SHBG: variants seen among roughly 807,000 people sequenced by gnomAD.
SHBG encodes sex hormone-binding globulin.
In SHBG, 37 loss-of-function variants were observed where a neutral mutation model predicts 41.9. The ratio of observed to expected loss-of-function variants is 0.88; its 90% CI spans 0.68 to 1.16. The LOEUF (loss-of-function observed/expected upper bound fraction) is 1.16, where lower values mean the gene tolerates loss of function less well. SHBG is among the 50% of genes most tolerant of loss of function. The pLI is 0.00. For synonymous variants in SHBG, 217 were observed against 205.8 expected, an observed-to-expected ratio of 1.05 and a Z score of -0.47; for missense variants, 466 against 499.9, an observed-to-expected ratio of 0.93 and a Z score of 0.65.
intron 1 of SHBG, chr17:7,614,487 C>T: frequency 1.3e-6 from 2 of 1,539,848 alleles, no homozygotes; most frequent in Non-Finnish European, 8.7e-7. Context: ...CGCACCTCGA[C>T]GGGCAGTCCC....
At chr17:7,616,304 C>A (rs1042739320) in intron 1 of SHBG, among the ~76,000 whole-genome samples, 2 of 143,234 alleles carry the variant, frequency 1.4e-5, no homozygotes, top group African/African-American at 5.2e-5. Context: ...AGTGAAATTT[C>A]TTCTTTAAAA....
At chr17:7,614,589 G>C (rs2071926240) in intron 1 of SHBG, 3 of 1,157,720 alleles carry the variant, frequency 2.6e-6, no homozygotes, top group South Asian at 2.1e-5. Flanking sequence ...GTCTGAGTGC[G>C]GGCCGGGCCA....
upstream of SHBG, among the ~76,000 whole-genome samples, chr17:7,624,282 C>T (rs1391428632): frequency 6.6e-6 from 1 of 151,890 alleles, no homozygotes; most frequent in Non-Finnish European, 1.5e-5. Flanking sequence ...GAGTCTCCAT[C>T]TGTCACCCAG....
At chr17:7,632,655 G>A in intron 6 of SHBG, 97 bp from the exon 7 acceptor site, 1 of 932,404 alleles carries the variant, frequency 1.1e-6, no homozygotes, top group South Asian at 1.3e-5. Context: ...GCATAGCGAA[G>A]AGGCAGAATT....
chr17:7,631,864 C>A lies in SHBG; in HGVS notation c.716-15C>A, dbSNP rs2072428988. 2 of 1,613,920 alleles carry A rather than the reference C, an allele frequency of 1.2e-6. No homozygotes were observed. The highest frequency in any genetic ancestry group is 1.7e-6 in the Non-Finnish European group (2 of 1,180,034). ...CCCAGCTTTGAGGCCTCAGGATAAT[C>A]ATTTCTCCCCACAGACATTCCCCAG... On this transcript the variant is annotated splice_polypyrimidine_tract_variant and intron_variant, in intron 5 of 7. Transcript: ENST00000380450.
At chr17:7,614,321 G>A in intron 1 of SHBG, 1 of 723,730 alleles carries the variant, frequency 1.4e-6, no homozygotes, top group South Asian at 1.7e-5. Context: ...GAAGGCTGCG[G>A]GTTGGAGCAA....
At chr17:7,617,253 T>G (rs941373826) in intron 1 of SHBG, among the ~76,000 whole-genome samples, 5 of 151,978 alleles carry the variant, frequency 3.3e-5, no homozygotes, top group Admixed American at 3.3e-4. Context: ...GACTTCATAG[T>G]GTGATGGCAG....
rs754703135 is a variant in SHBG, at chr17:7,621,277, G to A, written c.-62+7166G>A. On this transcript the variant is annotated intron_variant, in intron 1 of 5. Coordinates refer to the SHBG transcript ENST00000570547. ...ATTTCGAGACCAGCCTGGCCAACAC[G>A]GAGAAACCCCATGTCTACTAAAAAT... 3.5e-5 allele frequency among the ~76,000 whole-genome samples: 5 copies of A among 141,378 alleles called. 2 individuals are homozygous for A. Among genetic ancestry groups the A allele is most frequent in the Non-Finnish European group, 3.1e-5 (2 of 64,058 alleles). The allele number at this position is 141,378 out of a possible 152,430, so 92.7% of individuals were successfully genotyped here.
In SHBG at chr17:7,630,717, G is replaced by A; in HGVS notation, c.241G>A (p.Glu81Lys). The A allele has an allele frequency of 6.2e-7, 1 of 1,614,108 alleles. No homozygotes were observed. Among genetic ancestry groups the A allele is most frequent in the Non-Finnish European group, 8.5e-7 (1 of 1,180,028 alleles). The change falls in exon 3 of 8, where the codon GAG (glutamate) becomes AAG (lysine). Residue 81 changes from glutamate (E) to lysine (K), a missense_variant. Physicochemically the swap from Glu to Lys is moderately conservative, Grantham distance 56 (BLOSUM62 1). Coordinates refer to ENST00000380450, the MANE Select transcript of SHBG (RefSeq NM_001040.5). The surrounding 1 kb of genome is among the most constrained non-coding windows in gnomAD (Gnocchi z 4.6). ...SSFEVRTWDPEGVIFYGDTNP... is the reference protein window; with the variant it reads ...SSFEVRTWDPKGVIFYGDTNP... ...CTTTGAGGTTCGAACCTGGGACCCAGAGGGAGTGATTTTTTATGGGGATAC... is the reference window on the plus strand; with the variant it reads ...CTTTGAGGTTCGAACCTGGGACCCAAAGGGAGTGATTTTTTATGGGGATAC...
At position 7,631,747 on chromosome 17, in the gene SHBG, A is replaced by C. The variant is rs760914068; in HGVS notation, c.714A>C (p.Arg238=). ...PPGTQAEFNL[R]DIPQPHAEPW... ...GGACTCAGGCAGAATTCAATCTCCG[A>C]GGTAGATTTCCTCGGAGTCTATTTT... The change falls in exon 5 of 8, where the codon CGA becomes CGC. Residue 238 remains arginine (R), a splice_region_variant and synonymous_variant. Coordinates refer to ENST00000380450, the MANE Select transcript of SHBG (RefSeq NM_001040.5). The C allele has an allele frequency of 6.2e-6, 10 of 1,613,986 alleles. No individual in the cohort carries two copies. In the South Asian group the frequency reaches 1.1e-4, roughly 18 times the overall value.
At chr17:7,616,377 A>G (rs2071987167) in intron 1 of SHBG, among the ~76,000 whole-genome samples, 2 of 137,684 alleles carry the variant, frequency 1.5e-5, no homozygotes, top group Non-Finnish European at 1.6e-5. Context: ...GGAGGCCGAG[A>G]CGGGCGGATC....
intron 1 of SHBG, among the ~76,000 whole-genome samples, chr17:7,619,698 C>T (rs913371783): frequency 1.4e-5 from 2 of 142,220 alleles, no homozygotes; most frequent in South Asian, 2.2e-4. Flanking sequence ...GCAACAAGAG[C>T]GGAACTTCGT....
upstream of SHBG, chr17:7,628,045 G>A (rs1305225554): frequency 6.4e-6 from 3 of 469,610 alleles, no homozygotes; most frequent in Non-Finnish European, 1.3e-5. Flanking sequence ...CCCAACCTGG[G>A]TCGAGATACC....
intron 4 of SHBG, 26 bp downstream of exon 4, chr17:7,631,387 C>G: frequency 1.2e-6 from 2 of 1,608,984 alleles, no homozygotes; most frequent in Non-Finnish European, 1.7e-6. Context: ...GGGTGGAACC[C>G]TAGCCAAGAC....
At chr17:7,626,403 T>C (rs1567761604), upstream of SHBG, 2 of 1,604,050 alleles carry the variant, frequency 1.2e-6, no homozygotes, top group South Asian at 2.2e-5. Context: ...CTTCAGCTGA[T>C]GGGGAAGGAG....
At chr17:7,615,451 T>G (rs577433641) in intron 1 of SHBG, among the ~76,000 whole-genome samples, 7 of 152,286 alleles carry the variant, frequency 4.6e-5, no homozygotes, top group African/African-American at 1.7e-4. Context: ...AATCTGTAAC[T>G]CTCTACTGTA....
intron 1 of SHBG, among the ~76,000 whole-genome samples, chr17:7,620,410 G>A (rs62059834): frequency 0.16 from 24,973 of 152,072 alleles, 2,756 homozygotes; most frequent in Non-Finnish European, 0.25. Context: ...CCTGCCTCCC[G>A]GGTTCAAGAG....
At chr17:7,627,885 AG>A (rs1167228059), upstream of SHBG, 1 of 625,622 alleles carries the variant, frequency 1.6e-6, no homozygotes. This position sits in a 1 kb window ranked among gnomAD's most constrained non-coding sequence, Gnocchi z 4.8. Context: ...CTGTCGCAGC[AG>A]GGGGCACAAC....
At chr17:7,627,812 G>A, upstream of SHBG, 1 of 723,662 alleles carries the variant, frequency 1.4e-6, no homozygotes, top group Non-Finnish European at 2.5e-6. The surrounding 1 kb of genome is among the most constrained non-coding windows in gnomAD (Gnocchi z 4.8). Flanking sequence ...GGCGCCGTAC[G>A]GGAGGAGAGA....
Sources: allele counts gnomAD v4.1 joint callset (sites outside exome capture counted in the v4.1 genomes callset), GRCh38; gene constraint gnomAD v4.1.1; non-coding constraint Gnocchi (gnomAD v3.1); transcripts MANE v1.5; gene names NCBI Gene and HGNC (gene_info 2026-07-23, HGNC 2026-07-21).